The following L3MBTL4 variants were observed in gnomAD, a reference collection of about 807,000 sequenced individuals.
L3MBTL4 encodes L3MBTL histone methyl-lysine binding protein 4, also known as lethal(3)malignant brain tumor-like protein 4.
A neutral mutation model predicts 84.5 loss-of-function variants in L3MBTL4; 70 were observed. The observed-to-expected ratio is 0.83, with a 90% CI of 0.68 to 1.01. The LOEUF is 1.01. Ranked by LOEUF, L3MBTL4 falls within the 50% of genes least tolerant of loss-of-function variation. The pLI, the probability that L3MBTL4 is intolerant of heterozygous loss-of-function variation, is 0.00. For synonymous variants in L3MBTL4, 274 were observed against 259.8 expected, an observed-to-expected ratio of 1.05 and a Z score of -0.52; for missense variants, 715 against 754.8, an observed-to-expected ratio of 0.95 and a Z score of 0.62.
chr18:6,329,166 T>C (rs1449795651), intron 1 of L3MBTL4, among the ~76,000 whole-genome samples: 1 of 149,204 alleles, frequency 6.7e-6, no homozygotes, highest in Non-Finnish European at 1.5e-5. Flanking sequence ...TTTTTTTTTT[T>C]TTTTTGAGAC....
chr18:6,124,301 A>T (rs2059617833), intron 14 of L3MBTL4, among the ~76,000 whole-genome samples: 1 of 152,054 alleles, frequency 6.6e-6, no homozygotes, highest in Non-Finnish European at 1.5e-5. Context: ...AAATACTCAG[A>T]GGAAAAAATG....
At chr18:6,213,306 T>C (rs775034566) in intron 11 of L3MBTL4, 47 bp from the exon 12 acceptor site, 1 of 1,093,080 alleles carries the variant, frequency 9.1e-7, no homozygotes, top group Non-Finnish European at 1.3e-6. Context: ...AATTCAGTAA[T>C]TCAGATATCC....
At chr18:6,180,436 T>C (rs1448427054) in intron 12 of L3MBTL4, among the ~76,000 whole-genome samples, 1 of 152,050 alleles carries the variant, frequency 6.6e-6, no homozygotes, top group Non-Finnish European at 1.5e-5. Context: ...GTTTGTTCCT[T>C]ACCACTGCTT....
At position 6,212,037 on chromosome 18, in the gene L3MBTL4, TAA is replaced by T. The variant is rs1290404946; in HGVS notation, c.981+1110_981+1111del. Among the ~76,000 whole-genome samples the T allele has an allele frequency of 3.9e-5, 6 of 152,326 alleles. No homozygotes were observed. In the East Asian group the frequency reaches 1.2e-3, roughly 29 times the overall value. On this transcript the variant is annotated intron_variant, in intron 12 of 18. Coordinates refer to ENST00000317931, the MANE Select transcript of L3MBTL4 (RefSeq NM_001330559.2). ...AAAGTCATTTCCATTGAAAATGCCA[TAA>T]GAGTAAACAGTAAAATTCCAGAAAT...
intron 16 of L3MBTL4, among the ~76,000 whole-genome samples, chr18:6,061,351 G>C (rs1007896158): frequency 2.6e-5 from 4 of 152,004 alleles, no homozygotes; most frequent in Non-Finnish European, 5.9e-5. Context: ...TCTTACTGTT[G>C]AATATTAGCA....
chr18:6,151,742 A>T (rs1233810596), intron 13 of L3MBTL4, among the ~76,000 whole-genome samples: 3 of 152,204 alleles, frequency 2.0e-5, no homozygotes, highest in Admixed American at 6.5e-5. Flanking sequence ...TTCAAGATGT[A>T]TGACATGGTG....
At chr18:5,993,248 T>G (rs1454988231) in intron 16 of L3MBTL4, among the ~76,000 whole-genome samples, 1 of 152,186 alleles carries the variant, frequency 6.6e-6, no homozygotes, top group Non-Finnish European at 1.5e-5. Context: ...GAGACATCCA[T>G]GTCTCCAAGT....
intron 16 of L3MBTL4, among the ~76,000 whole-genome samples, chr18:6,065,654 C>T (rs2057375936): frequency 6.6e-6 from 1 of 151,700 alleles, no homozygotes; most frequent in Admixed American, 6.6e-5. Context: ...TTCATAGTAG[C>T]CTTGAATGAT....
intron 13 of L3MBTL4, among the ~76,000 whole-genome samples, chr18:6,167,759 A>G (rs1325756543): frequency 6.6e-6 from 1 of 152,212 alleles, no homozygotes; most frequent in East Asian, 1.9e-4. Context: ...TCCCTTTGAA[A>G]ACTGGCACAA....
At chr18:6,144,196 C>CAAA (rs35746580) in intron 13 of L3MBTL4, among the ~76,000 whole-genome samples, 29 of 58,006 alleles carry the variant, frequency 5.0e-4, no homozygotes, top group Non-Finnish European at 6.1e-4. Flanking sequence ...ACTCCATCTC[C>CAAA]AAAAAAAAAA....
chr18:6,289,891 T>A (rs1176397183), intron 4 of L3MBTL4, among the ~76,000 whole-genome samples: 1 of 152,182 alleles, frequency 6.6e-6, no homozygotes, highest in Non-Finnish European at 1.5e-5. Context: ...TTCATCAGAT[T>A]TCACTTCCAG....
intron 16 of L3MBTL4, among the ~76,000 whole-genome samples, chr18:6,078,344 T>C (rs1445517118): frequency 2.2e-5 from 3 of 136,196 alleles, no homozygotes; most frequent in Non-Finnish European, 4.6e-5. Context: ...GGAGAATCAC[T>C]TGAACCCAGG....
At chr18:6,031,527 A>T in intron 16 of L3MBTL4, 3 of 982,546 alleles carry the variant, frequency 3.1e-6, no homozygotes, top group African/African-American at 1.7e-5. Context: ...TCTGTTTGTC[A>T]GGAATTTAGG....
At chr18:6,074,923 G>A (rs1422535698) in intron 16 of L3MBTL4, among the ~76,000 whole-genome samples, 1 of 151,894 alleles carries the variant, frequency 6.6e-6, no homozygotes, top group Non-Finnish European at 1.5e-5. Flanking sequence ...CTCTATACAA[G>A]CAGAAAAAGC....
intron 12 of L3MBTL4, among the ~76,000 whole-genome samples, chr18:6,187,002 G>A (rs557822485): frequency 3.3e-5 from 5 of 152,244 alleles, no homozygotes; most frequent in Non-Finnish European, 7.4e-5. Context: ...CTCAAACATG[G>A]AGACGGGGCA....
chr18:6,169,277 C>T (rs1012263704), intron 13 of L3MBTL4, among the ~76,000 whole-genome samples: 13 of 152,198 alleles, frequency 8.5e-5, no homozygotes, highest in African/African-American at 1.7e-4. Context: ...GTGGCAATTC[C>T]TCAGGGATCT....
At chr18:6,186,475 C>G (rs139000195) in intron 12 of L3MBTL4, among the ~76,000 whole-genome samples, 79 of 152,124 alleles carry the variant, frequency 5.2e-4, no homozygotes, top group African/African-American at 1.8e-3. Context: ...GAAAATGGGA[C>G]CGAAGAAATG....
chr18:6,263,935 T>A lies in L3MBTL4; in HGVS notation c.219+12A>T. 6.3e-7 allele frequency: 1 copy of A among 1,598,762 alleles called. No homozygotes were observed. The highest frequency in any genetic ancestry group is 8.6e-7 in the Non-Finnish European group (1 of 1,165,956). On this transcript the variant is annotated intron_variant, in intron 5 of 18. Coordinates refer to ENST00000317931, the MANE Select transcript of L3MBTL4 (RefSeq NM_001330559.2). ...GCTTCCTTGCAAAAATATAAGTCCT[T>A]CAGTGGCTGACCTTGGAAAACAGCT... is the stretch of plus-strand genomic sequence containing the variant.
intron 12 of L3MBTL4, among the ~76,000 whole-genome samples, chr18:6,195,528 A>AT (rs556838356): frequency 6.6e-6 from 1 of 152,344 alleles, no homozygotes; most frequent in South Asian, 2.1e-4. Flanking sequence ...ATAGACTGGC[A>AT]TAAGTTATTC....
Sources: allele counts gnomAD v4.1 joint callset (sites outside exome capture counted in the v4.1 genomes callset), GRCh38; gene constraint gnomAD v4.1.1; transcripts MANE v1.5; gene names NCBI Gene and HGNC (gene_info 2026-07-23, HGNC 2026-07-21).